Variants in ARHGAP24 observed in about 807,000 individuals in gnomAD.
ARHGAP24 encodes the protein Rho GTPase activating protein 24.
Under a neutral mutation model 76.4 loss-of-function variants are expected in ARHGAP24, and 50 were observed. That is an observed-to-expected ratio of 0.65 (90% CI 0.52 to 0.83). ARHGAP24 has a LOEUF of 0.83. Among genes scored for constraint, ARHGAP24 ranks in the 40% least tolerant of loss-of-function variants. The pLI, the probability that ARHGAP24 is intolerant of heterozygous loss-of-function variation, is 0.00. For missense variants in ARHGAP24, 930 were observed against 914.2 expected, an observed-to-expected ratio of 1.02 and a Z score of -0.22; for synonymous variants, 345 against 323.3, an observed-to-expected ratio of 1.07 and a Z score of -0.72.
At chr4:85,695,273 CT>C (rs2110021152) in intron 2 of ARHGAP24, among the ~76,000 whole-genome samples, 1 of 152,336 alleles carries the variant, frequency 6.6e-6, no homozygotes, top group South Asian at 2.1e-4. Flanking sequence ...TTCTCTGCTA[CT>C]TTCTAAAGAC....
chr4:85,876,822 T>G (rs1732961249), intron 3 of ARHGAP24, among the ~76,000 whole-genome samples: 1 of 152,184 alleles, frequency 6.6e-6, no homozygotes, highest in Admixed American at 6.5e-5. Flanking sequence ...TTAATGCTCT[T>G]GTTTTACCAC....
chr4:85,592,474 G>A (rs956415068), intron 2 of ARHGAP24, among the ~76,000 whole-genome samples: 1 of 152,026 alleles, frequency 6.6e-6, no homozygotes, highest in African/African-American at 2.4e-5. Flanking sequence ...TCCTGTCTTT[G>A]TGTTACAAAC....
At chr4:85,928,539 C>A (rs961858882) in intron 4 of ARHGAP24, among the ~76,000 whole-genome samples, 2 of 152,142 alleles carry the variant, frequency 1.3e-5, no homozygotes, top group Non-Finnish European at 2.9e-5. Context: ...CTCACTGCAA[C>A]CTCTGCCTCC....
chr4:85,680,831 G>T (rs970356828), intron 2 of ARHGAP24, among the ~76,000 whole-genome samples: 1 of 150,386 alleles, frequency 6.6e-6, no homozygotes, highest in African/African-American at 2.4e-5. Context: ...TATATCATGA[G>T]TTAAGACCTA....
intron 2 of ARHGAP24, among the ~76,000 whole-genome samples, chr4:85,663,715 GT>G (rs1184887779): frequency 6.6e-6 from 1 of 151,656 alleles, no homozygotes; most frequent in African/African-American, 2.4e-5. Context: ...TTTATTGAGA[GT>G]TTTTAGCATG....
intron 5 of ARHGAP24, 119 bp downstream of exon 5, chr4:85,942,392 A>T: frequency 8.1e-7 from 1 of 1,230,346 alleles, no homozygotes; most frequent in South Asian, 1.3e-5. Flanking sequence ...AACATAGATT[A>T]TTTGGCCACA....
In ARHGAP24 at chr4:85,583,659, T is replaced by C. The variant is rs59249160; in HGVS notation, c.180+12938T>C. 2.0e-3 allele frequency among the ~76,000 whole-genome samples: 301 copies of C among 150,504 alleles called. 2 individuals carry two copies. Among genetic ancestry groups the C allele is most frequent in the African/African-American group, 7.1e-3 (292 of 41,038 alleles). Reference sequence around the variant, plus strand: ...CTACCATCAGAGTGAACAGGCATCCTACAAAATGGGAGAAAATTTTCGCAA... The same window carrying C: ...CTACCATCAGAGTGAACAGGCATCCCACAAAATGGGAGAAAATTTTCGCAA... On this transcript the variant is annotated intron_variant, in intron 2 of 9. Coordinates refer to ENST00000395184, the MANE Select transcript of ARHGAP24 (RefSeq NM_001025616.3).
At chr4:85,688,257 A>G (rs538456315) in intron 2 of ARHGAP24, among the ~76,000 whole-genome samples, 1 of 152,312 alleles carries the variant, frequency 6.6e-6, no homozygotes, top group East Asian at 1.9e-4. Context: ...CTTTTTAGTA[A>G]TAGCCATTCT....
At chr4:85,899,266 A>G (rs1385808355) in intron 3 of ARHGAP24, among the ~76,000 whole-genome samples, 2 of 152,246 alleles carry the variant, frequency 1.3e-5, no homozygotes, top group East Asian at 3.8e-4. Context: ...ATGCATTTAC[A>G]GAATGCAAAT....
At chr4:85,917,519 A>G (rs1411351216) in intron 3 of ARHGAP24, among the ~76,000 whole-genome samples, 2 of 152,104 alleles carry the variant, frequency 1.3e-5, no homozygotes, top group Non-Finnish European at 2.9e-5. Context: ...ACTAGTTTAC[A>G]GTCCCACCAA....
chr4:85,972,752 C>T (rs964968685), intron 6 of ARHGAP24, among the ~76,000 whole-genome samples: 2 of 152,076 alleles, frequency 1.3e-5, no homozygotes, highest in Non-Finnish European at 2.9e-5. Flanking sequence ...TCTCCTTTTT[C>T]CCCAGCGCTT....
chr4:85,552,238 A>T (rs1438117574), intron 1 of ARHGAP24, among the ~76,000 whole-genome samples: 4 of 152,134 alleles, frequency 2.6e-5, no homozygotes, highest in Admixed American at 6.6e-5. Flanking sequence ...TTCTCATTAC[A>T]GTCAAGGAAT....
At chr4:85,702,589 G>A (rs761136501) in intron 2 of ARHGAP24, among the ~76,000 whole-genome samples, 11 of 151,862 alleles carry the variant, frequency 7.2e-5, no homozygotes, top group Admixed American at 5.9e-4. Flanking sequence ...TAAAAAATTA[G>A]TCCCTTCAAT....
chr4:85,658,177 G>T (rs966854639), intron 2 of ARHGAP24, among the ~76,000 whole-genome samples: 3 of 152,116 alleles, frequency 2.0e-5, no homozygotes, highest in African/African-American at 7.2e-5. Context: ...GTTGAATAAA[G>T]TATCTATAAA....
chr4:85,833,506 CT>C (rs1311046551), intron 3 of ARHGAP24, among the ~76,000 whole-genome samples: 2 of 152,056 alleles, frequency 1.3e-5, no homozygotes, highest in Admixed American at 1.3e-4. Context: ...AACAACAACA[CT>C]TGTGTCATTC....
At chr4:85,754,347 G>C (rs1232854452) in intron 3 of ARHGAP24, among the ~76,000 whole-genome samples, 3 of 152,192 alleles carry the variant, frequency 2.0e-5, no homozygotes, top group Non-Finnish European at 4.4e-5. Context: ...ACACTTAGTT[G>C]ATTCCGTATC....
intron 3 of ARHGAP24, among the ~76,000 whole-genome samples, chr4:85,837,388 G>C (rs1236658493): frequency 6.6e-6 from 1 of 152,146 alleles, no homozygotes; most frequent in African/African-American, 2.4e-5. Context: ...TTAAGTGATT[G>C]AAAATGTCGT....
chr4:85,476,122 G>T (rs1240589073), intron 1 of ARHGAP24, among the ~76,000 whole-genome samples: 2 of 150,114 alleles, frequency 1.3e-5, no homozygotes, highest in East Asian at 3.9e-4. Flanking sequence ...AACACAAAAC[G>T]TTAGGGAATC....
At chr4:85,575,140 A>T (rs1235383976) in intron 2 of ARHGAP24, among the ~76,000 whole-genome samples, 5 of 152,192 alleles carry the variant, frequency 3.3e-5, no homozygotes, top group Non-Finnish European at 7.3e-5. Context: ...TTTTTTAATT[A>T]AAAAAAGCAG....
Sources: allele counts gnomAD v4.1 joint callset (sites outside exome capture counted in the v4.1 genomes callset), GRCh38; gene constraint gnomAD v4.1.1; transcripts MANE v1.5; gene names NCBI Gene and HGNC (gene_info 2026-07-23, HGNC 2026-07-21).